Variants in LMX1A observed in about 807,000 individuals in gnomAD.
The protein encoded by LMX1A is LIM homeobox transcription factor 1-alpha.
In LMX1A, 15 loss-of-function variants were observed where a neutral mutation model predicts 49.1. That is an observed-to-expected ratio of 0.31 (90% CI 0.20 to 0.47). The LOEUF is 0.47. Among genes scored for constraint, LMX1A ranks in the 20% least tolerant of loss-of-function variants. The pLI is 1.00. For missense variants in LMX1A, 372 were observed against 475.8 expected (o/e 0.78, Z 2.03); for synonymous variants, 167 against 185.7 (o/e 0.90, Z 0.82).
chr1:165,287,394 T>A (rs1021979040), intron 3 of LMX1A, among the ~76,000 whole-genome samples: 6 of 152,154 alleles, frequency 3.9e-5, no homozygotes, highest in African/African-American at 1.4e-4. Context: ...ACACCTCTCC[T>A]AAAAGAAAGA....
chr1:165,314,819 A>T (rs1190552563), intron 3 of LMX1A, among the ~76,000 whole-genome samples: 3 of 152,140 alleles, frequency 2.0e-5, no homozygotes, highest in Non-Finnish European at 4.4e-5. Flanking sequence ...GCACCCAATA[A>T]TTATTAGAAT....
intron 3 of LMX1A, among the ~76,000 whole-genome samples, chr1:165,255,895 C>T (rs1195676356): frequency 6.6e-6 from 1 of 151,904 alleles, no homozygotes; most frequent in Non-Finnish European, 1.5e-5. Flanking sequence ...ATCGCTTGAA[C>T]GCGGGAGGCA....
intron 4 of LMX1A, among the ~76,000 whole-genome samples, chr1:165,247,834 A>G (rs1337612687): frequency 6.6e-6 from 1 of 152,202 alleles, no homozygotes; most frequent in Non-Finnish European, 1.5e-5. Context: ...AATTTGCCCA[A>G]AGTCACAGAG....
intron 3 of LMX1A, among the ~76,000 whole-genome samples, chr1:165,297,579 G>A (rs1025473699): frequency 1.1e-4 from 16 of 152,320 alleles, no homozygotes; most frequent in African/African-American, 3.1e-4. Context: ...TCCACACTCC[G>A]GATGGAGACA....
chr1:165,352,640 G>C (rs771557970), intron 3 of LMX1A, among the ~76,000 whole-genome samples: 23 of 152,244 alleles, frequency 1.5e-4, no homozygotes, highest in Admixed American at 7.2e-4. Context: ...CAGGCGCGAC[G>C]CTGGCGCGGA....
chr1:165,206,558 T>C (rs1651089643), intron 7 of LMX1A, among the ~76,000 whole-genome samples: 1 of 152,220 alleles, frequency 6.6e-6, no homozygotes, highest in Non-Finnish European at 1.5e-5. Context: ...TTCTTAAGTC[T>C]ACCTTTGGAG....
rs57954952 is a variant in LMX1A at position 165,273,313 on chromosome 1, G to A, written c.264-23673C>T. Among the ~76,000 whole-genome samples, 433 of 152,240 alleles carry A rather than the reference G, an allele frequency of 2.8e-3. 3 individuals carry two copies. Among genetic ancestry groups the A allele is most frequent in the African/African-American group, 9.8e-3 (409 of 41,544 alleles). ...GACTAGCATGTGTGGTCTGCAGAAG[G>A]GGGCTCACTTGGCCATCTTCTCAAG... On this transcript the variant is annotated intron_variant, in intron 3 of 8. Transcript: ENST00000342310.
At chr1:165,326,970 A>G (rs2101749030) in intron 3 of LMX1A, among the ~76,000 whole-genome samples, 1 of 152,308 alleles carries the variant, frequency 6.6e-6, no homozygotes, top group Non-Finnish European at 1.5e-5. Flanking sequence ...AAATAATCAT[A>G]TGGCTTACAA....
intron 3 of LMX1A, among the ~76,000 whole-genome samples, chr1:165,330,045 A>G (rs1655700954): frequency 6.6e-6 from 1 of 152,242 alleles, no homozygotes; most frequent in Non-Finnish European, 1.5e-5. Flanking sequence ...TACCAGAAAT[A>G]ACTCTAAGTG....
intron 3 of LMX1A, among the ~76,000 whole-genome samples, chr1:165,250,209 TC>T (rs2102638592): frequency 6.6e-6 from 1 of 151,978 alleles, no homozygotes; most frequent in South Asian, 2.1e-4. Context: ...AACCTGCACA[TC>T]CTGCACATGT....
At chr1:165,348,236 A>G (rs568220875) in intron 3 of LMX1A, among the ~76,000 whole-genome samples, 1 of 152,210 alleles carries the variant, frequency 6.6e-6, no homozygotes, top group Non-Finnish European at 1.5e-5. Context: ...GCCTACTGTA[A>G]AAAGGAATGT....
chr1:165,227,098 C>T (rs138777995), intron 4 of LMX1A, among the ~76,000 whole-genome samples: 4 of 151,820 alleles, frequency 2.6e-5, no homozygotes, highest in Non-Finnish European at 5.9e-5. Flanking sequence ...AGAAGGCTTA[C>T]AGAAAGAGAA....
chr1:165,351,767 T>G (rs1213145406), intron 3 of LMX1A, among the ~76,000 whole-genome samples: 2 of 152,242 alleles, frequency 1.3e-5, no homozygotes, highest in Non-Finnish European at 2.9e-5. Flanking sequence ...TTTGTCAAGT[T>G]TTTAAACTTG....
chr1:165,243,327 G>T (rs1652729727), intron 4 of LMX1A, among the ~76,000 whole-genome samples: 1 of 152,198 alleles, frequency 6.6e-6, no homozygotes, highest in African/African-American at 2.4e-5. Flanking sequence ...GGACCAGCCA[G>T]AAGCCATGGT....
At chr1:165,348,295 C>T (rs1021313444) in intron 3 of LMX1A, among the ~76,000 whole-genome samples, 7 of 152,120 alleles carry the variant, frequency 4.6e-5, no homozygotes, top group Admixed American at 3.3e-4. Context: ...TCTACTCCTG[C>T]TATCTAATTT....
intron 4 of LMX1A, among the ~76,000 whole-genome samples, chr1:165,232,443 A>G (rs1652270949): frequency 6.6e-6 from 1 of 152,242 alleles, no homozygotes; most frequent in Admixed American, 6.5e-5. Context: ...GAATAGGCAT[A>G]CAGCATTCTG....
Position 165,203,813 on chromosome 1 carries a change from C to G in LMX1A, c.*67G>C, listed in dbSNP as rs921391665. ...CTTCCCTGGCCTCCCTGTCCTAAAG[C>G]CAGTGACCCCTCAAAGAATATGGTT... is the stretch of plus-strand genomic sequence containing the variant. On this transcript the variant is annotated 3_prime_UTR_variant, in exon 9 of 9. Transcript: ENST00000342310. 5 of 1,534,260 alleles carry G rather than the reference C, an allele frequency of 3.3e-6. No homozygotes were observed. The South Asian group carries it at 4.6e-5, about 14-fold the overall frequency.
At chr1:165,225,903 T>A (rs1430372750) in intron 4 of LMX1A, among the ~76,000 whole-genome samples, 1 of 152,266 alleles carries the variant, frequency 6.6e-6, no homozygotes, top group East Asian at 1.9e-4. Flanking sequence ...TGAAGAGATG[T>A]GAGCAATCAC....
At position 165,210,653 on chromosome 1, in the gene LMX1A, A is replaced by G. The variant is rs777865034; in HGVS notation, c.747+46T>C. The G allele has an allele frequency of 2.3e-5, 33 of 1,449,984 alleles. 1 individual carries two copies. The South Asian group carries it at 3.7e-4, about 16-fold the overall frequency. 89.8% of individuals were successfully genotyped at this position (1,449,984 alleles called of 1,614,324 possible). ...TACAATGTCCTACTGTGATTATTTC[A>G]GGAAACCAGCAACATGGGGACAGAT... is the stretch of plus-strand genomic sequence containing the variant. On this transcript the variant is annotated intron_variant, in intron 6 of 8. Transcript: ENST00000342310.
Sources: gnomAD v4.1 joint callset for allele counts (sites outside exome capture counted in the v4.1 genomes callset) on GRCh38, gnomAD v4.1.1 for gene constraint, MANE v1.5 for transcripts, NCBI Gene and HGNC (gene_info 2026-07-23, HGNC 2026-07-21) for gene names.